Variants in SLC4A7 observed in about 807,000 individuals in gnomAD.
SLC4A7 encodes sodium bicarbonate cotransporter 3.
In SLC4A7, 51 loss-of-function variants were observed where a neutral mutation model predicts 137.6. The ratio of observed to expected loss-of-function variants is 0.37; its 90% CI spans 0.30 to 0.47. The LOEUF is 0.47. SLC4A7 is among the 20% of genes least tolerant of loss of function. The pLI is 1.00. For synonymous variants in SLC4A7, 542 were observed against 518.6 expected, an observed-to-expected ratio of 1.05 and a Z score of -0.61; for missense variants, 1,247 against 1,525.4, an observed-to-expected ratio of 0.82 and a Z score of 3.04.
intron 11 of SLC4A7, among the ~76,000 whole-genome samples, chr3:27,414,768 A>G (rs138144425): frequency 1.9e-3 from 291 of 152,286 alleles, no homozygotes; most frequent in Middle Eastern, 6.8e-3. Context: ...GTGTTCTGTT[A>G]ACTCCTCTGA....
intron 3 of SLC4A7, among the ~76,000 whole-genome samples, chr3:27,446,015 G>C (rs1273471370): frequency 7.9e-6 from 1 of 127,314 alleles, no homozygotes; most frequent in Non-Finnish European, 1.6e-5. Flanking sequence ...TTTGCTAAGA[G>C]AGTAGACTTT....
intron 9 of SLC4A7, among the ~76,000 whole-genome samples, chr3:27,421,270 C>T (rs1011084721): frequency 6.6e-6 from 1 of 151,934 alleles, no homozygotes; most frequent in African/African-American, 2.4e-5. Context: ...GAGGCCAAGA[C>T]AGGCAGATCA....
chr3:27,413,918 T>A (rs1227872267), intron 11 of SLC4A7, among the ~76,000 whole-genome samples: 1 of 147,638 alleles, frequency 6.8e-6, no homozygotes, highest in Non-Finnish European at 1.5e-5. Flanking sequence ...AATAATACTA[T>A]CTCTTACTTA....
intron 11 of SLC4A7, among the ~76,000 whole-genome samples, chr3:27,417,397 G>C (rs1317708105): frequency 6.6e-6 from 1 of 152,072 alleles, no homozygotes; most frequent in Admixed American, 6.6e-5. Context: ...TTTGGTGGTG[G>C]GGCAATGAAC....
intron 1 of SLC4A7, among the ~76,000 whole-genome samples, chr3:27,476,562 T>A (rs1318838383): frequency 1.3e-5 from 2 of 152,136 alleles, no homozygotes; most frequent in Non-Finnish European, 2.9e-5. Context: ...CAAACTGTAA[T>A]CCCCTCATGT....
At chr3:27,440,106 C>T (rs1462170382) in intron 3 of SLC4A7, among the ~76,000 whole-genome samples, 1 of 152,144 alleles carries the variant, frequency 6.6e-6, no homozygotes, top group African/African-American at 2.4e-5. Context: ...ATTTAATCCA[C>T]AAACCTGGTG....
intron 2 of SLC4A7, among the ~76,000 whole-genome samples, chr3:27,452,006 G>T (rs1411334442): frequency 6.6e-6 from 1 of 152,062 alleles, no homozygotes; most frequent in Non-Finnish European, 1.5e-5. Context: ...CAACTCTATG[G>T]AGAGGTTATT....
chr3:27,472,811 G>C (rs1330569463), intron 1 of SLC4A7, among the ~76,000 whole-genome samples: 1 of 152,158 alleles, frequency 6.6e-6, no homozygotes, highest in Non-Finnish European at 1.5e-5. Context: ...TGGGCACAGT[G>C]GCTCATGCCT....
At position 27,388,380 on chromosome 3, in the gene SLC4A7, A is replaced by C. The variant is rs141236209; in HGVS notation, c.3360+1551T>G. 9.1e-4 allele frequency among the ~76,000 whole-genome samples: 138 copies of C among 152,304 alleles called. 2 individuals carry two copies. The South Asian group carries it at 0.014, about 15-fold the overall frequency. On this transcript the variant is annotated intron_variant, in intron 22 of 25. Transcript: ENST00000454389. The stretch of plus-strand genomic sequence containing the variant: ...GTCAGTGTTTTTTGAGAAAAATTGC[A>C]TAGGTTTCCATCTTTTCCTTTGGTC...
intron 3 of SLC4A7, among the ~76,000 whole-genome samples, chr3:27,442,194 A>G (rs543538978): frequency 6.6e-6 from 1 of 152,294 alleles, no homozygotes; most frequent in East Asian, 1.9e-4. Flanking sequence ...CATTGATTGT[A>G]GTTTTGAAGA....
intron 3 of SLC4A7, 113 bp from the exon 4 acceptor site, chr3:27,437,639 C>A: frequency 2.1e-6 from 1 of 469,492 alleles, no homozygotes; most frequent in Non-Finnish European, 3.5e-6. Flanking sequence ...AAATATATTT[C>A]ATCAAAACTC....
At chr3:27,424,768 C>T (rs1255662509) in intron 7 of SLC4A7, among the ~76,000 whole-genome samples, 4 of 152,232 alleles carry the variant, frequency 2.6e-5, no homozygotes, top group African/African-American at 9.6e-5. Flanking sequence ...ATGAAATTGG[C>T]AGAGTAAGAG....
rs2049859866 is a variant in SLC4A7, at chr3:27,375,749, T to A, written c.*1015A>T. On this transcript the variant is annotated 3_prime_UTR_variant, in exon 26 of 26. Transcript: ENST00000454389. ...AATAAAATCACAGGTAACAAGCTAT[T>A]AAATGTAATCTACAAAAGTGAAAGA... is the stretch of plus-strand genomic sequence containing the variant. 6.6e-6 allele frequency: 1 copy of A among 152,334 alleles called. No individual in the cohort carries two copies. The highest frequency in any genetic ancestry group is 2.1e-4 in the South Asian group (1 of 4,828). 9.4% of individuals were successfully genotyped at this position (152,334 alleles called of 1,614,324 possible). A position where few individuals can be genotyped will look rare whatever the true frequency, so the allele number is the denominator to read the frequency against.
In SLC4A7 at chr3:27,448,795, G is replaced by C; in HGVS notation, c.145C>G (p.His49Asp). The C allele has an allele frequency of 6.3e-7, 1 of 1,587,426 alleles. No individual in the cohort carries two copies. The highest frequency in any genetic ancestry group is 8.6e-7 in the Non-Finnish European group (1 of 1,168,074). The change falls in exon 3 of 26, where the codon CAT (histidine) becomes GAT (aspartate). Residue 49 changes from histidine to aspartate, a missense_variant and splice_region_variant. By Grantham distance (81) the His-to-Asp change is moderately conservative (BLOSUM62 -1). Coordinates refer to ENST00000454389, the MANE Select transcript of SLC4A7 (RefSeq NM_001321103.2). Reference sequence around the variant, plus strand: ...TGAACACCAATATATACAGCTCTATGACCTATTAAAAGGTTCAGAAACATA... The same window carrying C: ...TGAACACCAATATATACAGCTCTATCACCTATTAAAAGGTTCAGAAACATA... ...TKFEKEELESHRAVYIGVHVP... is the reference protein window; with the variant it reads ...TKFEKEELESDRAVYIGVHVP...
At chr3:27,394,370 A>G in intron 20 of SLC4A7, 148 bp downstream of exon 20, 1 of 728,092 alleles carries the variant, frequency 1.4e-6, no homozygotes, top group Non-Finnish European at 2.2e-6. Context: ...TTGCTATACT[A>G]AAAACCTAAT....
chr3:27,443,360 G>A (rs1383776985), intron 3 of SLC4A7, among the ~76,000 whole-genome samples: 3 of 152,038 alleles, frequency 2.0e-5, no homozygotes, highest in Non-Finnish European at 4.4e-5. Context: ...TCTGCGGGAT[G>A]TGTATCGAAA....
chr3:27,384,384 A>G (rs1020442264), intron 23 of SLC4A7, among the ~76,000 whole-genome samples: 1 of 152,220 alleles, frequency 6.6e-6, no homozygotes, highest in African/African-American at 2.4e-5. Flanking sequence ...TCTGACAGCC[A>G]TTTTGATTCA....
At chr3:27,401,576 T>C (rs17682229) in intron 15 of SLC4A7, among the ~76,000 whole-genome samples, 27,336 of 152,150 alleles carry the variant, frequency 0.18, 2,870 homozygotes, top group Non-Finnish European at 0.25. Context: ...ATCCAGGCGC[T>C]TTTAGTAGAT....
At chr3:27,418,718 G>T in intron 10 of SLC4A7, 86 bp from the exon 11 acceptor site, 2 of 770,004 alleles carry the variant, frequency 2.6e-6, no homozygotes, top group Non-Finnish European at 2.1e-6. Context: ...ATCATAAATA[G>T]CTTCACAATA....
Sources: allele counts gnomAD v4.1 joint callset (sites outside exome capture counted in the v4.1 genomes callset), GRCh38; gene constraint gnomAD v4.1.1; transcripts MANE v1.5; gene names NCBI Gene and HGNC (gene_info 2026-07-23, HGNC 2026-07-21).